The following VEPH1 variants were observed in gnomAD, a reference collection of about 807,000 sequenced individuals.
VEPH1 encodes the protein ventricular zone expressed PH domain containing 1, also known as ventricular zone-expressed PH domain-containing protein homolog 1.
A neutral mutation model predicts 85.2 loss-of-function variants in VEPH1; 80 were observed. That is an observed-to-expected ratio of 0.94 (90% CI 0.78 to 1.13). The LOEUF is 1.13. Among genes scored for constraint, VEPH1 ranks in the 50% most tolerant of loss-of-function variants. VEPH1 has a pLI of 0.00. For missense variants in VEPH1, 955 were observed against 980.5 expected (o/e 0.97, Z 0.35); for synonymous variants, 297 against 348.0 (o/e 0.85, Z 1.63).
At chr3:157,417,879 T>C (rs905462057) in intron 5 of VEPH1, among the ~76,000 whole-genome samples, 1 of 152,186 alleles carries the variant, frequency 6.6e-6, no homozygotes, top group African/African-American at 2.4e-5. Flanking sequence ...GAATTTAGAA[T>C]GTTTGGACTC....
At chr3:157,496,398 A>G (rs1045560892) in intron 1 of VEPH1, among the ~76,000 whole-genome samples, 1 of 152,188 alleles carries the variant, frequency 6.6e-6, no homozygotes, top group African/African-American at 2.4e-5. Context: ...ATGTCCAGTG[A>G]GGTTTAATGA....
intron 9 of VEPH1, among the ~76,000 whole-genome samples, chr3:157,348,198 C>G (rs1032537399): frequency 6.6e-6 from 1 of 152,044 alleles, no homozygotes; most frequent in Non-Finnish European, 1.5e-5. Flanking sequence ...GTGCCTGCCC[C>G]CAAGCAGGAG....
intron 4 of VEPH1, among the ~76,000 whole-genome samples, chr3:157,429,955 T>C (rs1733023549): frequency 6.6e-6 from 1 of 152,236 alleles, no homozygotes; most frequent in Non-Finnish European, 1.5e-5. Flanking sequence ...TAGTCATTTT[T>C]CAGCTGACTT....
intron 5 of VEPH1, among the ~76,000 whole-genome samples, chr3:157,422,194 G>A (rs1732396636): frequency 1.3e-5 from 2 of 152,138 alleles, no homozygotes; most frequent in Non-Finnish European, 2.9e-5. Flanking sequence ...GCTAGTGTGA[G>A]GCCCAGATGG....
At chr3:157,325,082 A>T (rs1471757651) in intron 9 of VEPH1, among the ~76,000 whole-genome samples, 1 of 152,128 alleles carries the variant, frequency 6.6e-6, no homozygotes, top group Non-Finnish European at 1.5e-5. Flanking sequence ...CACTTCTCTA[A>T]TGATCAGTGA....
At chr3:157,288,045 C>T (rs1359342926) in intron 11 of VEPH1, among the ~76,000 whole-genome samples, 2 of 152,196 alleles carry the variant, frequency 1.3e-5, no homozygotes, top group Non-Finnish European at 2.9e-5. Context: ...TTCTGTTAGA[C>T]TGTAAATGGA....
intron 2 of VEPH1, among the ~76,000 whole-genome samples, chr3:157,478,267 A>G (rs138754915): frequency 6.6e-6 from 1 of 152,074 alleles, no homozygotes; most frequent in Admixed American, 6.6e-5. Flanking sequence ...AGATTAGTTG[A>G]GGCCTTTTTT....
chr3:157,426,491 C>G (rs1472971574), intron 5 of VEPH1, among the ~76,000 whole-genome samples: 1 of 152,200 alleles, frequency 6.6e-6, no homozygotes, highest in Non-Finnish European at 1.5e-5. Context: ...CAAACCTCAT[C>G]TGATTTTTTC....
intron 3 of VEPH1, among the ~76,000 whole-genome samples, chr3:157,463,345 G>C (rs550390351): frequency 2.0e-5 from 3 of 152,264 alleles, no homozygotes; most frequent in East Asian, 3.9e-4. Context: ...TGAAAGCTCT[G>C]ATGCTATTCT....
At chr3:157,298,364 T>A (rs1037583201) in intron 11 of VEPH1, among the ~76,000 whole-genome samples, 12 of 152,162 alleles carry the variant, frequency 7.9e-5, no homozygotes, top group Admixed American at 6.5e-4. Flanking sequence ...TCTGTTTTGA[T>A]GTTTTATCAG....
intron 6 of VEPH1, chr3:157,409,795 A>G: frequency 1.0e-6 from 1 of 985,378 alleles, no homozygotes; most frequent in Non-Finnish European, 1.2e-6. Flanking sequence ...GCATAAGCCA[A>G]TCAATAACTT....
chr3:157,335,301 G>C (rs1007792798), intron 9 of VEPH1, among the ~76,000 whole-genome samples: 2 of 151,948 alleles, frequency 1.3e-5, no homozygotes, highest in African/African-American at 4.8e-5. Context: ...TGGGGGCTGC[G>C]GTGGGAGGAT....
Position 157,460,467 on chromosome 3 carries a change from A to G in VEPH1, c.355-112T>C, listed in dbSNP as rs1735765415. ...ATTAAGCTACCAGAGTACAGCTGTG[A>G]AAACACAGGCCTTGCCCTGTTTATA... On this transcript the variant is annotated intron_variant, in intron 3 of 13. Transcript: ENST00000362010. 7 of 1,319,184 alleles carry G rather than the reference A, an allele frequency of 5.3e-6. No individual in the cohort carries two copies. The South Asian group carries it at 1.1e-4, about 20-fold the overall frequency. 81.7% of individuals were successfully genotyped at this position (1,319,184 alleles called of 1,614,324 possible). A position where few individuals can be genotyped will look rare whatever the true frequency, so the allele number is the denominator to read the frequency against.
intron 4 of VEPH1, chr3:157,437,376 T>C: frequency 9.5e-7 from 1 of 1,058,172 alleles, no homozygotes; most frequent in Non-Finnish European, 1.4e-6. Flanking sequence ...ATGCTGTTTT[T>C]CGGAGGTGTC....
chr3:157,328,101 T>C (rs1020263118), intron 9 of VEPH1, among the ~76,000 whole-genome samples: 1 of 152,198 alleles, frequency 6.6e-6, no homozygotes, highest in African/African-American at 2.4e-5. Context: ...AAGTGTTGTT[T>C]AGGGTGACCG....
At chr3:157,332,368 C>T (rs1000783044) in intron 9 of VEPH1, among the ~76,000 whole-genome samples, 1 of 152,138 alleles carries the variant, frequency 6.6e-6, no homozygotes, top group African/African-American at 2.4e-5. Flanking sequence ...AAATGGAACC[C>T]CCACATCTGT....
chr3:157,437,077 A>C, intron 4 of VEPH1: 1 of 1,613,038 alleles, frequency 6.2e-7, no homozygotes, highest in Non-Finnish European at 8.5e-7. Context: ...AGTTCACTTT[A>C]ACTGTTTCTC....
At chr3:157,456,802 C>A (rs907224248) in intron 4 of VEPH1, among the ~76,000 whole-genome samples, 2 of 151,910 alleles carry the variant, frequency 1.3e-5, no homozygotes, top group African/African-American at 4.8e-5. Flanking sequence ...TGAAGTAATA[C>A]AGTGTGATGC....
At chr3:157,495,974 T>C (rs1739630596) in intron 1 of VEPH1, among the ~76,000 whole-genome samples, 1 of 152,190 alleles carries the variant, frequency 6.6e-6, no homozygotes, top group African/African-American at 2.4e-5. Context: ...TACCTCTTGG[T>C]TGGGCTGCCT....
Sources: allele counts gnomAD v4.1 joint callset (sites outside exome capture counted in the v4.1 genomes callset), GRCh38; gene constraint gnomAD v4.1.1; transcripts MANE v1.5; gene names NCBI Gene and HGNC (gene_info 2026-07-23, HGNC 2026-07-21).